TENM2: variants seen among roughly 807,000 people sequenced by gnomAD.
TENM2 encodes teneurin-2.
Under a neutral mutation model 245.2 loss-of-function variants are expected in TENM2, and 52 were observed. That is an observed-to-expected ratio of 0.21 (90% CI 0.17 to 0.27). The LOEUF is 0.27. Ranked by LOEUF, TENM2 falls within the 10% of genes least tolerant of loss-of-function variation. The probability of loss-of-function intolerance (pLI) is 1.00; values close to 1 mark genes in which losing one functional copy is unlikely to be tolerated. For missense variants in TENM2, 3,046 were observed against 3,666.8 expected (o/e 0.83, Z 4.37); for synonymous variants, 1,363 against 1,438.9 (o/e 0.95, Z 1.19).
chr5:168,082,037 G>T (rs1050448052), intron 7 of TENM2, among the ~76,000 whole-genome samples: 1 of 152,178 alleles, frequency 6.6e-6, no homozygotes, highest in African/African-American at 2.4e-5. Context: ...TTCCAACTTG[G>T]TTCCATTCTG....
chr5:167,332,680 C>G (rs1166550069), intron 1 of TENM2, among the ~76,000 whole-genome samples: 1 of 152,114 alleles, frequency 6.6e-6, no homozygotes, highest in African/African-American at 2.4e-5. Context: ...TTTGCTTGTA[C>G]TGGGTTGAGT....
chr5:168,163,857 C>T (rs940362674), intron 13 of TENM2, among the ~76,000 whole-genome samples: 1 of 152,146 alleles, frequency 6.6e-6, no homozygotes, highest in Non-Finnish European at 1.5e-5. Context: ...TCCTGGACAC[C>T]TTCCTCCAGA....
intron 2 of TENM2, among the ~76,000 whole-genome samples, chr5:167,810,729 C>A (rs1275550757): frequency 6.6e-6 from 1 of 152,066 alleles, no homozygotes; most frequent in Non-Finnish European, 1.5e-5. Flanking sequence ...CAACAATTGG[C>A]CCCAGTCAGA....
the TENM2 span, among the ~76,000 whole-genome samples, chr5:167,258,469 T>C: frequency 6.6e-6 from 1 of 151,994 alleles, no homozygotes; most frequent in South Asian, 2.1e-4. Flanking sequence ...ATCCTTGTGG[T>C]CCCCATACCC....
intron 2 of TENM2, among the ~76,000 whole-genome samples, chr5:167,666,762 A>G (rs1253942677): frequency 6.6e-6 from 1 of 152,232 alleles, no homozygotes; most frequent in Admixed American, 6.5e-5. Context: ...TGAAGACATT[A>G]TATAAATTCA....
chr5:167,752,943 G>T (rs1370019868), intron 2 of TENM2, among the ~76,000 whole-genome samples: 1 of 152,166 alleles, frequency 6.6e-6, no homozygotes, highest in Admixed American at 6.5e-5. Flanking sequence ...AAAGTAGAGA[G>T]AACTCCTTAA....
chr5:167,553,066 TAGAC>T (rs1472042955), intron 2 of TENM2, among the ~76,000 whole-genome samples: 2 of 152,206 alleles, frequency 1.3e-5, no homozygotes, highest in Non-Finnish European at 2.9e-5. Context: ...AATGCTTTGA[TAGAC>T]AGACATGGTT....
chr5:167,230,991 G>C, the TENM2 span, among the ~76,000 whole-genome samples: 2 of 152,138 alleles, frequency 1.3e-5, no homozygotes, highest in Non-Finnish European at 2.9e-5. Flanking sequence ...AGATCTGATG[G>C]TTTTATTACT....
At chr5:167,424,226 G>C (rs867887405) in intron 2 of TENM2, among the ~76,000 whole-genome samples, 1 of 151,720 alleles carries the variant, frequency 6.6e-6, no homozygotes, top group Non-Finnish European at 1.5e-5. Flanking sequence ...TCATTCTTCC[G>C]GCCCCGTTTA....
chr5:167,761,658 C>G (rs779228496), intron 2 of TENM2, among the ~76,000 whole-genome samples: 98 of 152,302 alleles, frequency 6.4e-4, no homozygotes, highest in Middle Eastern at 6.8e-3. Flanking sequence ...GTAGCACTTA[C>G]ACAGACCCAC....
the TENM2 span, among the ~76,000 whole-genome samples, chr5:167,083,615 G>A: frequency 6.6e-6 from 1 of 152,132 alleles, no homozygotes; most frequent in Non-Finnish European, 1.5e-5. Flanking sequence ...ACTGTCAAGT[G>A]AAATGCCGGT....
the TENM2 span, among the ~76,000 whole-genome samples, chr5:167,161,187 T>A: frequency 6.6e-6 from 1 of 152,198 alleles, no homozygotes; most frequent in African/African-American, 2.4e-5. Context: ...TCCAAAAAAC[T>A]AATATGTTAT....
the TENM2 span, among the ~76,000 whole-genome samples, chr5:167,141,462 G>C: frequency 3.3e-5 from 5 of 152,006 alleles, no homozygotes. Flanking sequence ...GAGTATATTA[G>C]CAAACATATA....
intron 2 of TENM2, among the ~76,000 whole-genome samples, chr5:167,647,506 C>G (rs1780040754): frequency 6.6e-6 from 1 of 151,944 alleles, no homozygotes; most frequent in Non-Finnish European, 1.5e-5. Context: ...GCCTGTAGTC[C>G]CACCTACTCG....
chr5:167,366,816 G>T (rs539066854), intron 1 of TENM2, among the ~76,000 whole-genome samples: 2 of 152,202 alleles, frequency 1.3e-5, no homozygotes, highest in Admixed American at 1.3e-4. Flanking sequence ...ATTGTTTATG[G>T]AGGAAGAGTC....
chr5:167,377,545 G>C (rs2127320021), intron 2 of TENM2, among the ~76,000 whole-genome samples: 1 of 152,186 alleles, frequency 6.6e-6, no homozygotes, highest in African/African-American at 2.4e-5. Flanking sequence ...ATATTCAAAA[G>C]AGGTACATAA....
rs375351533 is a variant in TENM2 at position 168,247,852 on chromosome 5, G to T, written c.6913G>T (p.Val2305Leu). 6.2e-7 allele frequency: 1 copy of T among 1,613,860 alleles called. No homozygotes were observed. Among genetic ancestry groups the T allele is most frequent in the Non-Finnish European group, 8.5e-7 (1 of 1,179,884 alleles). The change falls in exon 27 of 29, where the codon GTA becomes TTA. Residue 2305 changes from valine to leucine, a missense_variant. Around this residue, in one of 2 missense-constraint regions of TENM2, gnomAD observed 2,704 missense variants for 3,331.9 expected, o/e 0.81. Transcript: ENST00000518659. This position sits in a 1 kb window ranked among gnomAD's most constrained non-coding sequence, Gnocchi z 7.8. ...GAGTGTCCAGTACCGCTATGATGGC[G>T]TAGGACGGCGGGCTTCCTACAAGAC...
chr5:167,001,298 C>T, the TENM2 span, among the ~76,000 whole-genome samples: 102 of 152,138 alleles, frequency 6.7e-4, 2 homozygotes, highest in Admixed American at 6.0e-3. Flanking sequence ...CTAAAACTAT[C>T]GTGGGTTACT....
intron 7 of TENM2, among the ~76,000 whole-genome samples, chr5:168,063,933 G>A (rs1790276566): frequency 6.6e-6 from 1 of 151,974 alleles, no homozygotes; most frequent in Admixed American, 6.6e-5. Context: ...GGACCAATAT[G>A]TAATGTGGTA....
Sources: allele counts gnomAD v4.1 joint callset (sites outside exome capture counted in the v4.1 genomes callset), GRCh38; gene constraint gnomAD v4.1.1; regional missense constraint gnomAD v4.1.1; non-coding constraint Gnocchi (gnomAD v3.1); transcripts MANE v1.5; gene names NCBI Gene and HGNC (gene_info 2026-07-23, HGNC 2026-07-21).